Variants in WDR47 observed in about 807,000 individuals in gnomAD.
WDR47 encodes WD repeat-containing protein 47.
A neutral mutation model predicts 97.2 loss-of-function variants in WDR47; 32 were observed. The ratio of observed to expected loss-of-function variants is 0.33; its 90% CI spans 0.25 to 0.44. The LOEUF is 0.44. Ranked by LOEUF, WDR47 falls within the 20% of genes least tolerant of loss-of-function variation. The pLI, the probability that WDR47 is intolerant of heterozygous loss-of-function variation, is 1.00. For missense variants in WDR47, 782 were observed against 1,102.3 expected, an observed-to-expected ratio of 0.71 and a Z score of 4.11; for synonymous variants, 375 against 373.5, an observed-to-expected ratio of 1.00 and a Z score of -0.05.
intron 6 of WDR47, among the ~76,000 whole-genome samples, chr1:109,004,122 A>C (rs753728135): frequency 6.6e-6 from 1 of 152,048 alleles, no homozygotes. Context: ...AAAATCAGCC[A>C]GGTGTGGTGG....
At chr1:109,030,060 G>T (rs574284830) in intron 1 of WDR47, 3 of 575,900 alleles carry the variant, frequency 5.2e-6, no homozygotes, top group Non-Finnish European at 8.6e-6. Flanking sequence ...CTACCCACAG[G>T]AGAACATGCC....
chr1:109,011,015 G>GA lies in WDR47; in HGVS notation c.1030dup (p.Ser344PhefsTer4). The GA allele has an allele frequency of 6.2e-7, 1 of 1,614,128 alleles. No homozygotes were observed. Among genetic ancestry groups the GA allele is most frequent in the Non-Finnish European group, 8.5e-7 (1 of 1,180,026 alleles). The stretch of plus-strand genomic sequence containing the variant: ...CCCTGGATAATGGAAGTTAGCAAAG[G>GA]AGTGTGACATTGGAGAAGTTTTGTT... On this transcript the variant is annotated frameshift_variant, in exon 5 of 15. Coordinates refer to ENST00000369962, the MANE Select transcript of WDR47 (RefSeq NM_001142551.2). LOFTEE classifies it high-confidence loss of function.
chr1:109,030,988 T>C (rs1662575264), intron 1 of WDR47, among the ~76,000 whole-genome samples: 1 of 139,972 alleles, frequency 7.1e-6, no homozygotes, highest in East Asian at 2.1e-4. Context: ...TATAATTTGC[T>C]TTAACTTACA....
intron 11 of WDR47, 72 bp from the exon 12 acceptor site, chr1:108,982,851 T>C (rs1407981705): frequency 6.8e-7 from 1 of 1,471,344 alleles, no homozygotes; most frequent in Non-Finnish European, 9.2e-7. Context: ...ATTGCTAAAC[T>C]ACCTCAAAAC....
intron 1 of WDR47, among the ~76,000 whole-genome samples, chr1:109,033,513 T>C (rs1333510711): frequency 6.6e-6 from 1 of 152,206 alleles, no homozygotes; most frequent in African/African-American, 2.4e-5. Context: ...CCACACACAG[T>C]AAAATGAGTT....
intron 14 of WDR47, among the ~76,000 whole-genome samples, chr1:108,973,825 G>A (rs540830694): frequency 2.4e-4 from 37 of 151,972 alleles, no homozygotes; most frequent in Non-Finnish European, 4.6e-4. Flanking sequence ...CAAGGGTGTA[G>A]TGAGCAATAA....
chr1:108,977,743 G>T (rs185092582), intron 13 of WDR47, among the ~76,000 whole-genome samples: 1 of 151,796 alleles, frequency 6.6e-6, no homozygotes, highest in Non-Finnish European at 1.5e-5. Context: ...CATGAAAATC[G>T]CTTGAACCCA....
chr1:108,995,206 G>C (rs1011033800), intron 8 of WDR47, among the ~76,000 whole-genome samples: 1 of 152,170 alleles, frequency 6.6e-6, no homozygotes, highest in Admixed American at 6.5e-5. Flanking sequence ...CCACCAGATT[G>C]TAAAACATCT....
chr1:108,979,227 CAAAT>C (rs1487166938), intron 13 of WDR47, among the ~76,000 whole-genome samples: 18 of 151,792 alleles, frequency 1.2e-4, no homozygotes, highest in Non-Finnish European at 2.6e-4. Context: ...AGAAACTACA[CAAAT>C]AAACAAACAA....
chr1:109,021,101 A>G (rs1476085846), intron 2 of WDR47, among the ~76,000 whole-genome samples: 1 of 152,172 alleles, frequency 6.6e-6, no homozygotes, highest in Admixed American at 6.5e-5. Flanking sequence ...CTGCCTGCAA[A>G]TTTGGGATTT....
At chr1:109,013,303 G>A (rs1365379991) in intron 4 of WDR47, among the ~76,000 whole-genome samples, 1 of 152,136 alleles carries the variant, frequency 6.6e-6, no homozygotes, top group African/African-American at 2.4e-5. Context: ...AATGGACTAA[G>A]ACACTTTACT....
chr1:108,989,422 C>G (rs1205894413), intron 9 of WDR47, among the ~76,000 whole-genome samples: 7 of 152,192 alleles, frequency 4.6e-5, no homozygotes, highest in African/African-American at 1.7e-4. Context: ...AGTAGGGGGG[C>G]AAACCTGATG....
At chr1:109,000,967 A>G (rs1415420979) in intron 7 of WDR47, among the ~76,000 whole-genome samples, 7 of 152,102 alleles carry the variant, frequency 4.6e-5, no homozygotes, top group Non-Finnish European at 1.0e-4. Flanking sequence ...ATCATTGCTT[A>G]TTTAAATATA....
At chr1:109,004,502 A>T (rs1383113027) in intron 6 of WDR47, 90 bp downstream of exon 6, 2 of 1,418,380 alleles carry the variant, frequency 1.4e-6, no homozygotes, top group Admixed American at 4.9e-5. Context: ...ACTCCCAAAT[A>T]TCAGAAAATT....
At chr1:109,014,652 C>T (rs1008496505) in intron 3 of WDR47, among the ~76,000 whole-genome samples, 1 of 151,852 alleles carries the variant, frequency 6.6e-6, no homozygotes, top group African/African-American at 2.4e-5. Flanking sequence ...TCAGACTGAT[C>T]TCAAATTCCT....
At chr1:109,029,963 A>C in intron 1 of WDR47, 1 of 389,418 alleles carries the variant, frequency 2.6e-6, no homozygotes, top group Non-Finnish European at 4.5e-6. Context: ...ATATGGAAAA[A>C]CTTCATGAAA....
intron 1 of WDR47, chr1:109,025,030 AG>A (rs1662101699): frequency 6.6e-6 from 1 of 152,184 alleles, no homozygotes; most frequent in Non-Finnish European, 1.5e-5. Flanking sequence ...GTAGGCCCAC[AG>A]GTTAGTGTTG....
rs147748428 is a variant in WDR47 at position 109,014,737 on chromosome 1, A to G, written c.243-812T>C. On this transcript the variant is annotated intron_variant, in intron 3 of 14. Transcript: ENST00000369962. ...AGTATGAGCCACTGCACCTGGTCCC[A>G]ATTTAAAGCTTTTTAACAAGAGTTT... Among the ~76,000 whole-genome samples, 954 of 152,286 alleles carry G rather than the reference A, an allele frequency of 6.3e-3. 3 individuals carry two copies. The highest frequency in any genetic ancestry group is 0.021 in the African/African-American group (881 of 41,562).
Position 109,005,827 on chromosome 1 carries a change from C to T in WDR47, c.1131-1112G>A, listed in dbSNP as rs535218351. ...GAGGTTACAGCGAGCCGAGATCACG[C>T]GACTGCACTACAGCCTGGTGACAGA... On this transcript the variant is annotated intron_variant, in intron 5 of 14. Coordinates refer to ENST00000369962, the MANE Select transcript of WDR47 (RefSeq NM_001142551.2). Among the ~76,000 whole-genome samples the T allele has an allele frequency of 6.6e-5, 10 of 152,034 alleles. No homozygotes were observed. In the South Asian group the frequency reaches 1.7e-3, roughly 25 times the overall value.
Sources: gnomAD v4.1 joint callset for allele counts (sites outside exome capture counted in the v4.1 genomes callset) on GRCh38, gnomAD v4.1.1 for gene constraint, MANE v1.5 for transcripts, NCBI Gene and HGNC (gene_info 2026-07-23, HGNC 2026-07-21) for gene names.